GLB1L2: variants seen among roughly 807,000 people sequenced by gnomAD.
GLB1L2 encodes the protein beta-galactosidase-1-like protein 2.
Under a neutral mutation model 84.1 loss-of-function variants are expected in GLB1L2, and 68 were observed. The ratio of observed to expected loss-of-function variants is 0.81; its 90% CI spans 0.67 to 0.99. The LOEUF is 0.99. Among genes scored for constraint, GLB1L2 ranks in the 50% least tolerant of loss-of-function variants. GLB1L2 has a pLI of 0.00. For synonymous variants in GLB1L2, 290 were observed against 318.0 expected, an observed-to-expected ratio of 0.91 and a Z score of 0.94; for missense variants, 762 against 805.6, an observed-to-expected ratio of 0.95 and a Z score of 0.66.
Position 134,332,167 on chromosome 11 carries a change from A to C in GLB1L2, c.86+20A>C, listed in dbSNP as rs1376560522. 3.3e-6 allele frequency: 5 copies of C among 1,499,028 alleles called. No homozygotes were observed. Among genetic ancestry groups the C allele is most frequent in the Non-Finnish European group, 4.5e-6 (5 of 1,111,118 alleles). 92.9% of individuals were successfully genotyped at this position (1,499,028 alleles called of 1,614,324 possible). ...CCGCAGGTGAGAGAGAGCTTCGCGC[A>C]GCACCTGCCGGACCCCACATTCCCC... is the stretch of plus-strand genomic sequence containing the variant. On this transcript the variant is annotated intron_variant, in intron 1 of 18. Coordinates refer to ENST00000535456, the MANE Select transcript of GLB1L2 (RefSeq NM_001370461.1).
chr11:134,371,216 C>A, intron 13 of GLB1L2, 68 bp downstream of exon 13: 1 of 1,567,872 alleles, frequency 6.4e-7, no homozygotes, highest in Admixed American at 1.7e-5. Context: ...GTCTCATGCC[C>A]TCCCCTCAGA....
At position 134,342,694 on chromosome 11, in the gene GLB1L2, G is replaced by GGAAGCCGATCTCTCTGCGGCCC. The variant is rs1287257249; in HGVS notation, c.87-58_87-37dup. 4 of 1,526,486 alleles carry GGAAGCCGATCTCTCTGCGGCCC rather than the reference G, an allele frequency of 2.6e-6. No individual in the cohort carries two copies. The African/African-American group carries it at 5.5e-5, about 21-fold the overall frequency. The allele number at this position is 1,526,486 out of a possible 1,614,324, so 94.6% of individuals were successfully genotyped here. A position where few individuals can be genotyped will look rare whatever the true frequency, so the allele number is the denominator to read the frequency against. ...ATGCCGAGGACCTGCGAAGGGGCGA[G>GGAAGCCGATCTCTCTGCGGCCC]GAAGCCGATCTCTCTGCGGCCCGGA... is the stretch of plus-strand genomic sequence containing the variant. On this transcript the variant is annotated intron_variant, in intron 1 of 18. Transcript: ENST00000535456.
rs1038032618 is a variant in GLB1L2, at chr11:134,334,256, A to T, written c.86+2109A>T. On this transcript the variant is annotated intron_variant, in intron 1 of 18. Transcript: ENST00000535456. The surrounding 1 kb of genome is among the most constrained non-coding windows in gnomAD (Gnocchi z 4.1). Reference sequence around the variant, plus strand: ...CTCTTTGTGGAGCCGAGCTGTCAGGAGCAGCCCCTTTCCTGTAGCAGAAGG... The same window carrying T: ...CTCTTTGTGGAGCCGAGCTGTCAGGTGCAGCCCCTTTCCTGTAGCAGAAGG... 4.6e-5 allele frequency among the ~76,000 whole-genome samples: 7 copies of T among 152,122 alleles called. No homozygotes were observed. Among genetic ancestry groups the T allele is most frequent in the African/African-American group, 1.7e-4 (7 of 41,414 alleles).
intron 9 of GLB1L2, 118 bp downstream of exon 9, chr11:134,367,459 T>A: frequency 1.3e-6 from 1 of 788,690 alleles, no homozygotes; most frequent in Non-Finnish European, 2.0e-6. Flanking sequence ...GGATTATCTG[T>A]GTGCAGAAGT....
At position 134,332,155 on chromosome 11, in the gene GLB1L2, A is replaced by C; in HGVS notation, c.86+8A>C. On this transcript the variant is annotated splice_region_variant and intron_variant, in intron 1 of 18. Coordinates refer to ENST00000535456, the MANE Select transcript of GLB1L2 (RefSeq NM_001370461.1). ...CTTCCTGGTGCTCCGCAGGTGAGAG[A>C]GAGCTTCGCGCAGCACCTGCCGGAC... The C allele has an allele frequency of 6.5e-7, 1 of 1,547,426 alleles. No homozygotes were observed. Among genetic ancestry groups the C allele is most frequent in the Non-Finnish European group, 8.7e-7 (1 of 1,144,092 alleles).
chr11:134,370,003 T>C lies in GLB1L2; in HGVS notation c.1108+118T>C. On this transcript the variant is annotated intron_variant, in intron 11 of 18. Coordinates refer to ENST00000535456, the MANE Select transcript of GLB1L2 (RefSeq NM_001370461.1). This position sits in a 1 kb window ranked among gnomAD's most constrained non-coding sequence, Gnocchi z 4.7. ...ACCCCAGTTGATCTGCGTGCAAGAA[T>C]ATCCTAGACAAGGACAGGGAGGTGT... The C allele has an allele frequency of 1.2e-6, 1 of 838,170 alleles. No homozygotes were observed. 51.9% of individuals were successfully genotyped at this position (838,170 alleles called of 1,614,324 possible).
Position 134,356,802 on chromosome 11 carries a change from G to A in GLB1L2, c.651+409G>A, listed in dbSNP as rs530797800. ...TACCAAGCAAAGAAGAATCCTTGGG[G>A]TTCTCAGACATCTGGTTTCAGTGTG... On this transcript the variant is annotated intron_variant, in intron 6 of 18. Transcript: ENST00000535456. Among the ~76,000 whole-genome samples the A allele has an allele frequency of 2.0e-5, 3 of 152,322 alleles. No homozygotes were observed. The East Asian group carries it at 5.8e-4, about 29-fold the overall frequency.
intron 2 of GLB1L2, 133 bp from the exon 3 acceptor site, chr11:134,344,254 G>C: frequency 2.7e-6 from 3 of 1,098,954 alleles, no homozygotes; most frequent in African/African-American, 1.5e-5. Flanking sequence ...CTTAGTTCTT[G>C]GTTCCAGTCC....
intron 4 of GLB1L2, 132 bp from the exon 5 acceptor site, chr11:134,347,193 C>T: frequency 2.7e-6 from 2 of 733,620 alleles, no homozygotes; most frequent in Admixed American, 1.8e-5. Context: ...CTTCTGGGCT[C>T]AGTGGGGTGG....
intron 2 of GLB1L2, among the ~76,000 whole-genome samples, chr11:134,343,271 G>A (rs1419420814): frequency 6.6e-6 from 1 of 152,178 alleles, no homozygotes; most frequent in African/African-American, 2.4e-5. Flanking sequence ...AGTTTATACA[G>A]CCAGTGAACG....
At chr11:134,341,683 A>T (rs979740085) in intron 1 of GLB1L2, among the ~76,000 whole-genome samples, 3 of 152,188 alleles carry the variant, frequency 2.0e-5, no homozygotes, top group African/African-American at 7.2e-5. Context: ...AGGAGTAGGT[A>T]AAAAAGCAAA....
At chr11:134,344,305 T>C (rs994853771) in intron 2 of GLB1L2, 82 bp from the exon 3 acceptor site, 5 of 1,521,632 alleles carry the variant, frequency 3.3e-6, no homozygotes, top group Non-Finnish European at 4.6e-6. Flanking sequence ...TCATATTGGA[T>C]TTTTGGGCTA....
At position 134,371,772 on chromosome 11, in the gene GLB1L2, C is replaced by CT. The variant is rs1943955823; in HGVS notation, c.1451dup (p.Leu484PhefsTer15). 6.2e-7 allele frequency: 1 copy of CT among 1,614,024 alleles called. No individual in the cohort carries two copies. The highest frequency in any genetic ancestry group is 8.5e-7 in the Non-Finnish European group (1 of 1,180,026). ...GGCAGGGTTACACCGTGCTGAGGAT[C>CT]TTGGTGGAGAATCGTGGGCGAGTCA... On this transcript the variant is annotated frameshift_variant, in exon 15 of 19. Transcript: ENST00000535456. LOFTEE classifies it high-confidence loss of function.
intron 6 of GLB1L2, among the ~76,000 whole-genome samples, chr11:134,358,301 C>T (rs550554514): frequency 1.3e-5 from 2 of 152,374 alleles, no homozygotes; most frequent in East Asian, 3.9e-4. Context: ...GGCCCTGTAA[C>T]CTGCGATGCT....
chr11:134,348,221 G>A (rs1445715600), intron 5 of GLB1L2, among the ~76,000 whole-genome samples: 1 of 152,226 alleles, frequency 6.6e-6, no homozygotes, highest in Non-Finnish European at 1.5e-5. Flanking sequence ...TTGAGTTTCA[G>A]ATAAGCAAGG....
chr11:134,370,489 G>A lies in GLB1L2; in HGVS notation c.1215+90G>A, dbSNP rs1003848507. The A allele has an allele frequency of 2.4e-5, 24 of 1,018,702 alleles. No individual in the cohort carries two copies. Among genetic ancestry groups the A allele is most frequent in the Non-Finnish European group, 3.2e-5 (21 of 656,256 alleles). The allele number at this position is 1,018,702 out of a possible 1,614,324, so 63.1% of individuals were successfully genotyped here. A position where few individuals can be genotyped will look rare whatever the true frequency, so the allele number is the denominator to read the frequency against. ...GAGTGCTGGGGGCAGTCGTCGGCGG[G>A]AGGTGAGAGTCGTCGGGGCAGCAGG... On this transcript the variant is annotated intron_variant, in intron 12 of 18. Transcript: ENST00000535456. This position sits in a 1 kb window ranked among gnomAD's most constrained non-coding sequence, Gnocchi z 4.7.
At position 134,375,489 on chromosome 11, in the gene GLB1L2, G is replaced by A. The variant is rs76837097; in HGVS notation, c.*431G>A. 3,929 of 163,686 alleles carry A rather than the reference G, an allele frequency of 0.024. 150 individuals carry two copies. The highest frequency in any genetic ancestry group is 0.085 in the African/African-American group (3,572 of 41,858). 10.1% of individuals were successfully genotyped at this position (163,686 alleles called of 1,614,324 possible). A position where few individuals can be genotyped will look rare whatever the true frequency, so the allele number is the denominator to read the frequency against. ...TCCCTCATGGCCCCATTTTATCCCCGAAATCCTGGGTGTGTCACCAGTGTA... is the reference window on the plus strand; with the variant it reads ...TCCCTCATGGCCCCATTTTATCCCCAAAATCCTGGGTGTGTCACCAGTGTA... On this transcript the variant is annotated 3_prime_UTR_variant, in exon 19 of 19. Transcript: ENST00000535456.
At chr11:134,361,423 GC>G (rs139961280) in intron 7 of GLB1L2, 3,510 of 152,372 alleles carry the variant, frequency 0.023, 134 homozygotes, top group African/African-American at 0.077. Context: ...GCCAGCGTGG[GC>G]CTCGCGGATG....
rs1943433160 is a variant in GLB1L2 at position 134,339,460 on chromosome 11, A to T, written c.87-3294A>T. 6.6e-6 allele frequency among the ~76,000 whole-genome samples: 1 copy of T among 152,156 alleles called. No individual in the cohort carries two copies. The highest frequency in any genetic ancestry group is 6.5e-5 in the Admixed American group (1 of 15,282). On this transcript the variant is annotated intron_variant, in intron 1 of 18. Transcript: ENST00000535456. This position sits in a 1 kb window ranked among gnomAD's most constrained non-coding sequence, Gnocchi z 5.7. ...TCATCCTCATTTTCTTGGTGAATCCATCCCTTTTAATAAGGTATTGACAAC... is the reference window on the plus strand; with the variant it reads ...TCATCCTCATTTTCTTGGTGAATCCTTCCCTTTTAATAAGGTATTGACAAC...
Sources: allele counts gnomAD v4.1 joint callset (sites outside exome capture counted in the v4.1 genomes callset), GRCh38; gene constraint gnomAD v4.1.1; non-coding constraint Gnocchi (gnomAD v3.1); transcripts MANE v1.5; gene names NCBI Gene and HGNC (gene_info 2026-07-23, HGNC 2026-07-21).